The following PALS2 variants were observed in gnomAD, a reference collection of about 807,000 sequenced individuals.
The protein encoded by PALS2 is protein associated with LIN7 2, MAGUK p55 family member, also known as protein PALS2.
PALS2 carries 27 observed loss-of-function variants against 61.6 expected under a neutral mutation model. The ratio of observed to expected loss-of-function variants is 0.44; its 90% CI spans 0.32 to 0.60. PALS2 has a LOEUF of 0.60. Among genes scored for constraint, PALS2 ranks in the 20% least tolerant of loss-of-function variants. The pLI is 0.05. For missense variants in PALS2, 554 were observed against 639.4 expected (o/e 0.87, Z 1.44); for synonymous variants, 236 against 218.6 (o/e 1.08, Z -0.70).
intron 10 of PALS2, among the ~76,000 whole-genome samples, chr7:24,679,696 T>C (rs1332811586): frequency 1.3e-5 from 2 of 150,218 alleles, no homozygotes; most frequent in African/African-American, 2.5e-5. Flanking sequence ...CTCCCCCTCC[T>C]ACCTGACACA....
intron 3 of PALS2, among the ~76,000 whole-genome samples, chr7:24,643,047 T>C (rs2128072465): frequency 6.6e-6 from 1 of 152,202 alleles, no homozygotes; most frequent in South Asian, 2.1e-4. Context: ...ATGAATAAAA[T>C]CAACAGGATA....
intron 1 of PALS2, among the ~76,000 whole-genome samples, chr7:24,598,767 GC>G (rs1783612099): frequency 6.6e-6 from 1 of 152,160 alleles, no homozygotes; most frequent in Non-Finnish European, 1.5e-5. Context: ...AATATTCCAT[GC>G]AAGGATTCTG....
At chr7:24,631,386 T>C (rs191187331) in intron 2 of PALS2, among the ~76,000 whole-genome samples, 1 of 152,314 alleles carries the variant, frequency 6.6e-6, no homozygotes, top group East Asian at 1.9e-4. Flanking sequence ...ACTACATTGC[T>C]GCAATGTCAT....
chr7:24,585,944 A>G (rs911781095), intron 1 of PALS2, among the ~76,000 whole-genome samples: 1 of 152,138 alleles, frequency 6.6e-6, no homozygotes, highest in Non-Finnish European at 1.5e-5. Context: ...TTTATCATCC[A>G]AACTTGGAGT....
At chr7:24,674,355 C>T (rs963804106) in intron 9 of PALS2, 1 of 153,288 alleles carries the variant, frequency 6.5e-6, no homozygotes, top group African/African-American at 2.4e-5. Flanking sequence ...TTCAGCCCAT[C>T]CATGTTAGCT....
chr7:24,679,322 G>A lies in PALS2; in HGVS notation c.1306G>A (p.Val436Ile). The A allele has an allele frequency of 1.9e-6, 3 of 1,613,876 alleles. No individual in the cohort carries two copies. The highest frequency in any genetic ancestry group is 2.5e-6 in the Non-Finnish European group (3 of 1,179,880). The change falls in exon 10 of 12, where the codon GTC becomes ATC. Residue 436 changes from valine (V) to isoleucine (I), a missense_variant. Coordinates refer to ENST00000222644, the MANE Select transcript of PALS2 (RefSeq NM_001303037.2). ...AACTGGACGGACTTGCATTCTGGATGTCAACCCACAAGTAAGCTGCTTGGA... is the reference window on the plus strand; with the variant it reads ...AACTGGACGGACTTGCATTCTGGATATCAACCCACAAGTAAGCTGCTTGGA... Reference protein sequence around the residue: ...VQTGRTCILDVNPQALKVLRT... With the variant: ...VQTGRTCILDINPQALKVLRT...
At chr7:24,625,618 T>C (rs1784707312) in intron 2 of PALS2, among the ~76,000 whole-genome samples, 1 of 152,192 alleles carries the variant, frequency 6.6e-6, no homozygotes. Context: ...TGTATGCTTA[T>C]TCTTAAAAAC....
chr7:24,631,977 T>C (rs2128063314), intron 2 of PALS2, among the ~76,000 whole-genome samples: 1 of 152,352 alleles, frequency 6.6e-6, no homozygotes, highest in South Asian at 2.1e-4. Context: ...CAGTATTTGC[T>C]TTATTGTGGT....
intron 1 of PALS2, among the ~76,000 whole-genome samples, chr7:24,599,505 C>CGTTTTTT (rs1219747892): frequency 9.4e-5 from 11 of 116,610 alleles, no homozygotes; most frequent in African/African-American, 3.8e-4. Context: ...CTTCTATAAG[C>CGTTTTTT]TTTTTTTTTT....
rs562965962 is a variant in PALS2 at position 24,618,635 on chromosome 7, G to C, written c.-2-5031G>C. Among the ~76,000 whole-genome samples the C allele has an allele frequency of 6.6e-6, 1 of 152,260 alleles. No homozygotes were observed. The highest frequency in any genetic ancestry group is 1.5e-5 in the Non-Finnish European group (1 of 68,042). On this transcript the variant is annotated intron_variant, in intron 1 of 11. Coordinates refer to ENST00000222644, the MANE Select transcript of PALS2 (RefSeq NM_001303037.2). This position sits in a 1 kb window ranked among gnomAD's most constrained non-coding sequence, Gnocchi z 5.1. ...GTAGTAAGGATTGCATGTGTTTGCA[G>C]TGGGAGTGGAGGCTGCTGAGGTTCC...
intron 2 of PALS2, among the ~76,000 whole-genome samples, chr7:24,636,440 CAT>C (rs1156854559): frequency 6.6e-6 from 1 of 152,044 alleles, no homozygotes; most frequent in East Asian, 1.9e-4. Flanking sequence ...TGTGTCTTTT[CAT>C]ATGTTTAAGA....
intron 11 of PALS2, among the ~76,000 whole-genome samples, chr7:24,685,687 T>C (rs892364969): frequency 2.0e-5 from 3 of 146,462 alleles, no homozygotes; most frequent in African/African-American, 7.7e-5. Flanking sequence ...AGATTGCTAA[T>C]AGGCAAGAAT....
intron 9 of PALS2, among the ~76,000 whole-genome samples, chr7:24,671,668 G>C (rs1787302509): frequency 6.6e-6 from 1 of 152,046 alleles, no homozygotes; most frequent in African/African-American, 2.4e-5. Flanking sequence ...TTATACTACT[G>C]ACTCTTACAT....
At position 24,585,802 on chromosome 7, in the gene PALS2, C is replaced by T. The variant is rs548749759; in HGVS notation, c.-3+12209C>T. Among the ~76,000 whole-genome samples, 4 of 152,202 alleles carry T rather than the reference C, an allele frequency of 2.6e-5. No individual in the cohort carries two copies. The East Asian group carries it at 7.7e-4, about 29-fold the overall frequency. On this transcript the variant is annotated intron_variant, in intron 1 of 11. Transcript: ENST00000222644. ...CAAGCTCCGCCTCCTGGGTTCATGCCATTCTCCTGCCTCAGCCTCCCAAGT... is the reference window on the plus strand; with the variant it reads ...CAAGCTCCGCCTCCTGGGTTCATGCTATTCTCCTGCCTCAGCCTCCCAAGT...
chr7:24,665,493 G>T, intron 6 of PALS2, 95 bp from the exon 7 acceptor site: 1 of 1,078,628 alleles, frequency 9.3e-7, no homozygotes, highest in East Asian at 2.4e-5. Flanking sequence ...AAGAGCAAAT[G>T]TGACTTTTTT....
At position 24,641,724 on chromosome 7, in the gene PALS2, G is replaced by A; in HGVS notation, c.126G>A (p.Glu42=). The change falls in exon 3 of 12, where the codon GAG becomes GAA. Residue 42 remains glutamate, a synonymous_variant. Transcript: ENST00000222644. ...PIVKSLAKAH[E]RLEDSKLEAV... ...TACTCTTATTTTTTCAGGCTCATGA[G>A]AGGCTAGAAGATTCCAAACTAGAAG... The A allele has an allele frequency of 3.1e-6, 5 of 1,603,438 alleles. No individual in the cohort carries two copies. Among genetic ancestry groups the A allele is most frequent in the Non-Finnish European group, 4.3e-6 (5 of 1,176,064 alleles).
Position 24,691,847 on chromosome 7 carries a change from A to G in PALS2, c.*4233A>G, listed in dbSNP as rs1161476955. On this transcript the variant is annotated 3_prime_UTR_variant, in exon 12 of 12. Transcript: ENST00000222644. Reference sequence around the variant, plus strand: ...ATTCATGTAATAACATCTGTAATGTATTTGGAATTTTTGGGAGAAATTCAT... The same window carrying G: ...ATTCATGTAATAACATCTGTAATGTGTTTGGAATTTTTGGGAGAAATTCAT... 2 of 152,052 alleles carry G rather than the reference A, an allele frequency of 1.3e-5. No individual in the cohort carries two copies. The highest frequency in any genetic ancestry group is 2.9e-5 in the Non-Finnish European group (2 of 67,960). 9.4% of individuals were successfully genotyped at this position (152,052 alleles called of 1,614,324 possible). A position where few individuals can be genotyped will look rare whatever the true frequency, so the allele number is the denominator to read the frequency against.
At chr7:24,682,708 A>C (rs1787997642) in intron 11 of PALS2, among the ~76,000 whole-genome samples, 2 of 152,164 alleles carry the variant, frequency 1.3e-5, no homozygotes, top group African/African-American at 4.8e-5. Context: ...CCTTGGCTAA[A>C]AGCAGACATC....
Position 24,573,586 on chromosome 7 carries a change from G to A in PALS2, c.-10G>A. On this transcript the variant is annotated 5_prime_UTR_variant, in exon 1 of 12. Coordinates refer to ENST00000222644, the MANE Select transcript of PALS2 (RefSeq NM_001303037.2). This position sits in a 1 kb window ranked among gnomAD's most constrained non-coding sequence, Gnocchi z 5.3. ...GCGGCGGCGCGGAGGCGGCTGAGGT[G>A]CGAGCCGGTGAGTTAACTGGACCCC... 2.7e-6 allele frequency: 1 copy of A among 376,578 alleles called. No homozygotes were observed. 23.3% of individuals were successfully genotyped at this position (376,578 alleles called of 1,614,324 possible).
Sources: gnomAD v4.1 joint callset for allele counts (sites outside exome capture counted in the v4.1 genomes callset) on GRCh38, gnomAD v4.1.1 for gene constraint, Gnocchi (gnomAD v3.1) non-coding constraint, MANE v1.5 for transcripts, NCBI Gene and HGNC (gene_info 2026-07-23, HGNC 2026-07-21) for gene names.